The following COQ9 variants were observed in gnomAD, a reference collection of about 807,000 sequenced individuals.
COQ9 encodes ubiquinone biosynthesis protein COQ9, mitochondrial.
A neutral mutation model predicts 42.4 loss-of-function variants in COQ9; 35 were observed. The ratio of observed to expected loss-of-function variants is 0.83; its 90% CI spans 0.63 to 1.10. The LOEUF (loss-of-function observed/expected upper bound fraction) is 1.10. Ranked by LOEUF, COQ9 falls within the 50% of genes least tolerant of loss-of-function variation. The pLI is 0.00. For synonymous variants in COQ9, 155 were observed against 155.1 expected (o/e 1.00, Z 0.00); for missense variants, 406 against 414.6 (o/e 0.98, Z 0.18).
intron 1 of COQ9, among the ~76,000 whole-genome samples, chr16:57,449,780 T>G (rs535880908): frequency 1.3e-4 from 20 of 152,082 alleles, no homozygotes; most frequent in Non-Finnish European, 2.6e-4. Context: ...ACAGTATGAA[T>G]GGGGAATGAC....
At position 57,456,631 on chromosome 16, in the gene COQ9, A is replaced by C; in HGVS notation, c.506A>C (p.Gln169Pro). The change falls in exon 4 of 9, where the codon CAG becomes CCG. Residue 169 changes from glutamine to proline, a missense_variant. Coordinates refer to ENST00000262507, the MANE Select transcript of COQ9 (RefSeq NM_020312.4). ...CTAGAAGAGGAGCAGAAGCTGGTAC[A>C]GTTGGGCCAGGCGGAGTAAGTCCCA... ...RVLEEEQKLV[Q>P]LGQAEKRKTD... 1 of 1,613,932 alleles carries C rather than the reference A, an allele frequency of 6.2e-7. No homozygotes were observed. The highest frequency in any genetic ancestry group is 8.5e-7 in the Non-Finnish European group (1 of 1,180,000).
chr16:57,450,924 A>T, intron 1 of COQ9, 116 bp from the exon 2 acceptor site: 1 of 1,129,090 alleles, frequency 8.9e-7, no homozygotes, highest in Non-Finnish European at 1.3e-6. Flanking sequence ...ACACTTGGAT[A>T]AGTGGTTCTA....
chr16:57,453,362 T>C (rs929888017), intron 3 of COQ9: 7 of 299,314 alleles, frequency 2.3e-5, no homozygotes, highest in African/African-American at 1.1e-4. Flanking sequence ...TAATGACATA[T>C]GGTGTTTGAA....
intron 2 of COQ9, among the ~76,000 whole-genome samples, chr16:57,451,723 C>T (rs2030292377): frequency 6.6e-6 from 1 of 152,162 alleles, no homozygotes; most frequent in African/African-American, 2.4e-5. Flanking sequence ...TGTTTTTTCA[C>T]TCAACAGTAC....
At chr16:57,450,816 CA>C in intron 1 of COQ9, 1 of 597,478 alleles carries the variant, frequency 1.7e-6, no homozygotes, top group Non-Finnish European at 3.0e-6. Flanking sequence ...AGAAACAGGT[CA>C]AGATGCTAGG....
chr16:57,458,440 G>GC, intron 6 of COQ9, 90 bp downstream of exon 6: 2 of 967,202 alleles, frequency 2.1e-6, no homozygotes, highest in Non-Finnish European at 3.2e-6. Context: ...TTGATCATAA[G>GC]CCCCTGCAGG....
At chr16:57,459,424 T>C in intron 6 of COQ9, 141 bp from the exon 7 acceptor site, 1 of 805,404 alleles carries the variant, frequency 1.2e-6, no homozygotes, top group Non-Finnish European at 2.1e-6. Context: ...AAGTTTGAGA[T>C]GGTAGTGTTG....
At chr16:57,457,851 T>G (rs1476046095) in intron 5 of COQ9, among the ~76,000 whole-genome samples, 1 of 152,228 alleles carries the variant, frequency 6.6e-6, no homozygotes, top group Non-Finnish European at 1.5e-5. Flanking sequence ...GTAGCATTGG[T>G]AAAGTGGAAG....
chr16:57,452,287 AT>A (rs1325583095), intron 2 of COQ9, among the ~76,000 whole-genome samples: 1 of 152,160 alleles, frequency 6.6e-6, no homozygotes, highest in Non-Finnish European at 1.5e-5. Context: ...CATTTGCTGG[AT>A]TCCTCTCCGT....
chr16:57,450,117 G>A (rs1372469368), intron 1 of COQ9, among the ~76,000 whole-genome samples: 1 of 152,130 alleles, frequency 6.6e-6, no homozygotes, highest in African/African-American at 2.4e-5. Flanking sequence ...TTGCGTGTTT[G>A]AAAATTTTTA....
At chr16:57,450,069 G>A (rs930613432) in intron 1 of COQ9, among the ~76,000 whole-genome samples, 115 of 152,314 alleles carry the variant, frequency 7.6e-4, no homozygotes, top group African/African-American at 2.7e-3. Context: ...TGAACCTAGT[G>A]GCAGATATAC....
At chr16:57,452,215 T>G (rs961361999) in intron 2 of COQ9, among the ~76,000 whole-genome samples, 5 of 152,190 alleles carry the variant, frequency 3.3e-5, no homozygotes, top group Admixed American at 2.0e-4. Context: ...CTGAGCACAG[T>G]GTGCTAAGGG....
At chr16:57,457,687 G>T (rs2030437259) in intron 5 of COQ9, among the ~76,000 whole-genome samples, 1 of 152,212 alleles carries the variant, frequency 6.6e-6, no homozygotes, top group East Asian at 1.9e-4. Flanking sequence ...GGCCGAGTGT[G>T]ACTCATTCCA....
intron 2 of COQ9, among the ~76,000 whole-genome samples, chr16:57,451,460 C>T (rs2030287746): frequency 6.6e-6 from 1 of 152,234 alleles, no homozygotes; most frequent in African/African-American, 2.4e-5. Context: ...GTGTGAGCCA[C>T]TGCACCCAGC....
chr16:57,456,236 T>C (rs1567579804), intron 3 of COQ9, among the ~76,000 whole-genome samples: 1 of 152,058 alleles, frequency 6.6e-6, no homozygotes, highest in East Asian at 1.9e-4. Flanking sequence ...GCTTAGTTTC[T>C]AAAAAAGAAA....
intron 2 of COQ9, among the ~76,000 whole-genome samples, chr16:57,452,078 GTACTT>G (rs2030302152): frequency 6.6e-6 from 1 of 151,970 alleles, no homozygotes; most frequent in Admixed American, 6.6e-5. Flanking sequence ...CCTAACTAAA[GTACTT>G]TTCATTTCAA....
At chr16:57,455,418 A>AT (rs2030379954) in intron 3 of COQ9, among the ~76,000 whole-genome samples, 1 of 140,308 alleles carries the variant, frequency 7.1e-6, no homozygotes, top group Non-Finnish European at 1.6e-5. Flanking sequence ...TATATATATA[A>AT]AATAATTATG....
intron 3 of COQ9, among the ~76,000 whole-genome samples, chr16:57,455,390 G>T (rs200030877): frequency 7.1e-6 from 1 of 141,120 alleles, no homozygotes; most frequent in South Asian, 2.4e-4. Context: ...ATATATGCAC[G>T]CTGATTTTAT....
At position 57,460,309 on chromosome 16, in the gene COQ9, C is replaced by T. The variant is rs547020192; in HGVS notation, c.921+205C>T. Among the ~76,000 whole-genome samples the T allele has an allele frequency of 6.6e-5, 10 of 152,272 alleles. No individual in the cohort carries two copies. In the South Asian group the frequency reaches 1.5e-3, roughly 22 times the overall value. ...CTGTCATCAGGAGATATCACTGACT[C>T]CTGGGACCCTGGTATATCAAGTCTC... On this transcript the variant is annotated intron_variant, in intron 8 of 8. Coordinates refer to ENST00000262507, the MANE Select transcript of COQ9 (RefSeq NM_020312.4).
Sources: allele counts gnomAD v4.1 joint callset (sites outside exome capture counted in the v4.1 genomes callset), GRCh38; gene constraint gnomAD v4.1.1; transcripts MANE v1.5; gene names NCBI Gene and HGNC (gene_info 2026-07-23, HGNC 2026-07-21).